NSD2: variants seen among roughly 807,000 people sequenced by gnomAD.
The protein encoded by NSD2 is nuclear receptor binding SET domain protein 2, also known as histone-lysine N-methyltransferase NSD2.
A neutral mutation model predicts 139.0 loss-of-function variants in NSD2; 12 were observed. The ratio of observed to expected loss-of-function variants is 0.09; its 90% CI spans 0.06 to 0.14. The LOEUF is 0.14. Ranked by LOEUF, NSD2 falls within the 10% of genes least tolerant of loss-of-function variation. The pLI is 1.00. For synonymous variants in NSD2, 669 were observed against 648.7 expected (o/e 1.03, Z -0.48); for missense variants, 1,155 against 1,745.0 (o/e 0.66, Z 6.02).
At chr4:1,898,029 C>T (rs953869620) in intron 1 of NSD2, among the ~76,000 whole-genome samples, 2 of 152,080 alleles carry the variant, frequency 1.3e-5, no homozygotes, top group Non-Finnish European at 2.9e-5. Flanking sequence ...TTCCCTCCTC[C>T]TTCTGGGTGG....
At chr4:1,888,709 C>T (rs1292527426) in intron 1 of NSD2, among the ~76,000 whole-genome samples, 6 of 151,528 alleles carry the variant, frequency 4.0e-5, no homozygotes, top group African/African-American at 4.9e-5. Context: ...GGATTACAGG[C>T]GTGAACCCAC....
At chr4:1,890,645 A>C (rs550441728) in intron 1 of NSD2, among the ~76,000 whole-genome samples, 6 of 151,404 alleles carry the variant, frequency 4.0e-5, no homozygotes, top group African/African-American at 1.5e-4. Flanking sequence ...TTCGTTGCCC[A>C]GGCTGGAGTA....
At chr4:1,978,034 G>A (rs990118401) in intron 21 of NSD2, among the ~76,000 whole-genome samples, 3 of 151,386 alleles carry the variant, frequency 2.0e-5, no homozygotes, top group Non-Finnish European at 2.9e-5. Flanking sequence ...GGGTGAGGCA[G>A]CAGAATCACT....
At chr4:1,938,406 T>TTTTTTGTTTG in intron 7 of NSD2, 45 bp from the exon 8 acceptor site, 2 of 1,236,678 alleles carry the variant, frequency 1.6e-6, no homozygotes. Context: ...CTTTTCTTTT[T>TTTTTTGTTTG]TTTTTCTTTC....
At chr4:1,923,525 T>C (rs899520844) in intron 5 of NSD2, among the ~76,000 whole-genome samples, 2 of 152,112 alleles carry the variant, frequency 1.3e-5, no homozygotes, top group East Asian at 3.9e-4. Flanking sequence ...TTCACAGTCA[T>C]CCTTCACAGT....
chr4:1,897,992 T>C (rs1025045521), intron 1 of NSD2, among the ~76,000 whole-genome samples: 7 of 152,192 alleles, frequency 4.6e-5, no homozygotes, highest in Non-Finnish European at 1.0e-4. Flanking sequence ...GGACCACTGT[T>C]TTCTCCAAAT....
At chr4:1,970,827 G>A (rs1560798617) in intron 18 of NSD2, among the ~76,000 whole-genome samples, 2 of 152,162 alleles carry the variant, frequency 1.3e-5, no homozygotes, top group South Asian at 4.1e-4. Flanking sequence ...ATAAAGGGCC[G>A]CCAACAGGAC....
intron 18 of NSD2, among the ~76,000 whole-genome samples, chr4:1,962,601 G>A (rs896943977): frequency 4.6e-5 from 7 of 152,260 alleles, no homozygotes; most frequent in African/African-American, 1.7e-4. Flanking sequence ...AATGAGTGAA[G>A]GGTATACTGA....
intron 2 of NSD2, among the ~76,000 whole-genome samples, chr4:1,902,989 A>G (rs186422598): frequency 1.8e-3 from 268 of 152,270 alleles, no homozygotes; most frequent in African/African-American, 6.1e-3. Flanking sequence ...AGCCTGGGCA[A>G]CATAGCGAGA....
chr4:1,872,166 G>C (rs1044623024), intron 1 of NSD2, among the ~76,000 whole-genome samples: 1 of 152,098 alleles, frequency 6.6e-6, no homozygotes, highest in African/African-American at 2.4e-5. Context: ...CGGGAAGCCG[G>C]GCCGCGGTCC....
Position 1,907,729 on chromosome 4 carries a change from C to T in NSD2, c.760+3351C>T, listed in dbSNP as rs532073059. Among the ~76,000 whole-genome samples the T allele has an allele frequency of 1.9e-3, 293 of 150,334 alleles. 1 individual carries two copies. Among genetic ancestry groups the T allele is most frequent in the African/African-American group, 6.9e-3 (282 of 40,932 alleles). ...CTGGGTTCAAGCAATTCTCCTGCCT[C>T]AGTCTCCCAAGTAGGTGGGACTACA... On this transcript the variant is annotated intron_variant, in intron 3 of 21. Transcript: ENST00000508803.
At chr4:1,916,723 C>T in intron 3 of NSD2, 148 bp from the exon 4 acceptor site, 1 of 644,648 alleles carries the variant, frequency 1.6e-6, no homozygotes, top group East Asian at 3.0e-5. Flanking sequence ...TGGCATGTGG[C>T]ATGGAAGGGA....
chr4:1,952,889 G>T, intron 11 of NSD2: 1 of 1,377,198 alleles, frequency 7.3e-7, no homozygotes, highest in Non-Finnish European at 9.4e-7. Context: ...GAAGACACCT[G>T]GAGAGTCTCC....
Position 1,943,870 on chromosome 4 carries a change from C to T in NSD2, c.1881+4092C>T, listed in dbSNP as rs897195897. 5.6e-6 allele frequency: 6 copies of T among 1,063,142 alleles called. No homozygotes were observed. The Admixed American group carries it at 3.2e-4, about 57-fold the overall frequency. The allele number at this position is 1,063,142 out of a possible 1,614,324, so 65.9% of individuals were successfully genotyped here. On this transcript the variant is annotated intron_variant, in intron 9 of 21. Transcript: ENST00000508803. ...GAAGGGATTTCATTTGAAATTACAG[C>T]ATGATGAATTTTGCATGGGTGGCCA...
At position 1,955,622 on chromosome 4, in the gene NSD2, T is replaced by G. The variant is rs533161633; in HGVS notation, c.2519-71T>G. On this transcript the variant is annotated intron_variant, in intron 13 of 21. Coordinates refer to ENST00000508803, the MANE Select transcript of NSD2 (RefSeq NM_001042424.3). This position sits in a 1 kb window ranked among gnomAD's most constrained non-coding sequence, Gnocchi z 4.7. ...AGTTAAGGCTGTAATAAGTGTAGAC[T>G]GTGAAGCACTGAATCTGGGCTGAGC... is the stretch of plus-strand genomic sequence containing the variant. 2 of 1,505,188 alleles carry G rather than the reference T, an allele frequency of 1.3e-6. No individual in the cohort carries two copies. Among genetic ancestry groups the G allele is most frequent in the South Asian group, 2.6e-5 (2 of 77,202 alleles). 93.2% of individuals were successfully genotyped at this position (1,505,188 alleles called of 1,614,324 possible). A position where few individuals can be genotyped will look rare whatever the true frequency, so the allele number is the denominator to read the frequency against.
intron 3 of NSD2, among the ~76,000 whole-genome samples, chr4:1,913,343 G>A (rs900777734): frequency 3.3e-5 from 5 of 152,136 alleles, no homozygotes; most frequent in African/African-American, 4.8e-5. Flanking sequence ...CTCCCTTTCC[G>A]TGGGGGAGTT....
At chr4:1,875,597 C>T (rs1270006050) in intron 1 of NSD2, among the ~76,000 whole-genome samples, 1 of 152,134 alleles carries the variant, frequency 6.6e-6, no homozygotes, top group Non-Finnish European at 1.5e-5. Context: ...ATTTGGTTTG[C>T]TAGTTAAAAA....
intron 5 of NSD2, among the ~76,000 whole-genome samples, chr4:1,929,568 G>A (rs1054528896): frequency 6.6e-6 from 1 of 152,234 alleles, no homozygotes; most frequent in Non-Finnish European, 1.5e-5. Flanking sequence ...CAGCTCTGCT[G>A]TTGTGGCAGG....
At chr4:1,895,327 C>T (rs1479970897) in intron 1 of NSD2, among the ~76,000 whole-genome samples, 4 of 152,206 alleles carry the variant, frequency 2.6e-5, no homozygotes, top group Non-Finnish European at 5.9e-5. Context: ...ATAATCCCAA[C>T]ACCTAAAATC....
Sources: allele counts gnomAD v4.1 joint callset (sites outside exome capture counted in the v4.1 genomes callset), GRCh38; gene constraint gnomAD v4.1.1; non-coding constraint Gnocchi (gnomAD v3.1); transcripts MANE v1.5; gene names NCBI Gene and HGNC (gene_info 2026-07-23, HGNC 2026-07-21).